The following VWC2L variants were observed in gnomAD, a reference collection of about 807,000 sequenced individuals.
VWC2L encodes von Willebrand factor C domain containing 2 like, also known as von Willebrand factor C domain-containing protein 2-like.
Under a neutral mutation model 21.6 loss-of-function variants are expected in VWC2L, and 10 were observed. The ratio of observed to expected loss-of-function variants is 0.46; its 90% CI spans 0.29 to 0.78. The LOEUF (loss-of-function observed/expected upper bound fraction) is 0.78, where lower values mean the gene tolerates loss of function less well. Ranked by LOEUF, VWC2L falls within the 30% of genes least tolerant of loss-of-function variation. The probability of loss-of-function intolerance (pLI) is 0.10; values close to 1 mark genes in which losing one functional copy is unlikely to be tolerated. For missense variants in VWC2L, 209 were observed against 277.1 expected (o/e 0.75, Z 1.74); for synonymous variants, 96 against 94.3 (o/e 1.02, Z -0.10).
At chr2:214,463,181 A>G (rs1013100220) in intron 3 of VWC2L, among the ~76,000 whole-genome samples, 2 of 151,752 alleles carry the variant, frequency 1.3e-5, no homozygotes, top group Non-Finnish European at 2.9e-5. Context: ...TTAATATTCT[A>G]TCTATTTTAT....
chr2:214,500,545 C>G (rs1250110615), intron 3 of VWC2L, among the ~76,000 whole-genome samples: 1 of 152,220 alleles, frequency 6.6e-6, no homozygotes, highest in Non-Finnish European at 1.5e-5. Context: ...CCCATCTGAG[C>G]CTGTTTTCCA....
At chr2:214,459,749 A>G (rs1470050891) in intron 3 of VWC2L, among the ~76,000 whole-genome samples, 2 of 152,006 alleles carry the variant, frequency 1.3e-5, no homozygotes, top group Non-Finnish European at 2.9e-5. Flanking sequence ...CTTCATTGCT[A>G]GTTTTTTTTC....
chr2:214,429,546 T>C (rs2126175633), intron 2 of VWC2L, among the ~76,000 whole-genome samples: 1 of 152,286 alleles, frequency 6.6e-6, no homozygotes, highest in South Asian at 2.1e-4. Context: ...CTGTGCCTAC[T>C]TTAAAAAAAA....
intron 3 of VWC2L, among the ~76,000 whole-genome samples, chr2:214,539,160 T>C (rs1689588148): frequency 6.6e-6 from 1 of 152,140 alleles, no homozygotes; most frequent in Non-Finnish European, 1.5e-5. Flanking sequence ...TGGAGACTAC[T>C]GCACTTGATT....
At position 214,492,114 on chromosome 2, in the gene VWC2L, T is replaced by C. The variant is rs140241660; in HGVS notation, c.520+55356T>C. On this transcript the variant is annotated intron_variant, in intron 3 of 3. Coordinates refer to ENST00000312504, the MANE Select transcript of VWC2L (RefSeq NM_001080500.4). ...AAAGTAAGCATAATGACAGCTGATC[T>C]AAGAAAATTAAACATAGTAAACAAA... Among the ~76,000 whole-genome samples the C allele has an allele frequency of 7.9e-4, 120 of 152,322 alleles. 1 individual carries two copies. The highest frequency in any genetic ancestry group is 2.5e-3 in the African/African-American group (104 of 41,572).
intron 3 of VWC2L, among the ~76,000 whole-genome samples, chr2:214,455,909 T>G (rs1703048908): frequency 6.6e-6 from 1 of 152,212 alleles, no homozygotes; most frequent in Non-Finnish European, 1.5e-5. Context: ...TTTCATTGTG[T>G]ACAGATACCA....
intron 3 of VWC2L, among the ~76,000 whole-genome samples, chr2:214,559,255 C>T (rs1417814257): frequency 2.6e-5 from 4 of 152,074 alleles, no homozygotes; most frequent in Non-Finnish European, 5.9e-5. Flanking sequence ...CATCACTGGC[C>T]ATCAGAGAAA....
intron 3 of VWC2L, among the ~76,000 whole-genome samples, chr2:214,565,673 T>C (rs966567840): frequency 2.6e-5 from 4 of 152,192 alleles, no homozygotes; most frequent in African/African-American, 9.6e-5. Flanking sequence ...ACCTGGATTC[T>C]ATAAAGTAGT....
chr2:214,486,908 T>C (rs1688679930), intron 3 of VWC2L, among the ~76,000 whole-genome samples: 1 of 152,180 alleles, frequency 6.6e-6, no homozygotes, highest in Non-Finnish European at 1.5e-5. Flanking sequence ...CTCCCAAAAT[T>C]CCTATGTTGA....
intron 3 of VWC2L, among the ~76,000 whole-genome samples, chr2:214,471,508 A>G (rs1301480795): frequency 6.6e-6 from 1 of 152,190 alleles, no homozygotes; most frequent in East Asian, 1.9e-4. Context: ...ATCTCACTTA[A>G]TCTTCACAAC....
chr2:214,414,302 A>G lies in VWC2L; in HGVS notation c.109A>G (p.Ile37Val). The change falls in exon 2 of 4, where the codon ATC (isoleucine) becomes GTC (valine). Residue 37 changes from isoleucine (I) to valine (V), a missense_variant. Physicochemically the swap from Ile to Val is conservative, Grantham distance 29. Coordinates refer to ENST00000312504, the MANE Select transcript of VWC2L (RefSeq NM_001080500.4). Reference protein sequence around the residue: ...EDYPADEGDQISSNDNLIFDD... With the variant: ...EDYPADEGDQVSSNDNLIFDD... ...CTATCCTGCTGATGAAGGTGACCAGATCTCCAGTAATGACAATCTGATCTT... is the reference window on the plus strand; with the variant it reads ...CTATCCTGCTGATGAAGGTGACCAGGTCTCCAGTAATGACAATCTGATCTT... The G allele has an allele frequency of 6.2e-7, 1 of 1,613,856 alleles. No homozygotes were observed.
At chr2:214,497,160 T>G (rs1369377932) in intron 3 of VWC2L, among the ~76,000 whole-genome samples, 1 of 152,060 alleles carries the variant, frequency 6.6e-6, no homozygotes, top group Non-Finnish European at 1.5e-5. Flanking sequence ...AATCCAAGAA[T>G]AGTCTTTGGC....
intron 3 of VWC2L, among the ~76,000 whole-genome samples, chr2:214,476,755 TA>T (rs1257977985): frequency 6.6e-6 from 1 of 152,204 alleles, no homozygotes; most frequent in African/African-American, 2.4e-5. Context: ...ACACACCACT[TA>T]CTCTCTGTTT....
At chr2:214,413,063 G>C (rs73987318) in intron 1 of VWC2L, among the ~76,000 whole-genome samples, 20,064 of 151,972 alleles carry the variant, frequency 0.13, 1,423 homozygotes, top group East Asian at 0.25. Flanking sequence ...ACTAAGTGGA[G>C]TTTACAAGAG....
At chr2:214,548,419 C>T (rs1472828972) in intron 3 of VWC2L, among the ~76,000 whole-genome samples, 1 of 152,172 alleles carries the variant, frequency 6.6e-6, no homozygotes, top group Non-Finnish European at 1.5e-5. Flanking sequence ...ACAGTGCAAG[C>T]CAGGACTTAC....
chr2:214,500,508 G>A (rs1227261189), intron 3 of VWC2L, among the ~76,000 whole-genome samples: 1 of 152,172 alleles, frequency 6.6e-6, no homozygotes, highest in Non-Finnish European at 1.5e-5. Flanking sequence ...CTGTATTCCA[G>A]GTAGGACAAA....
intron 2 of VWC2L, among the ~76,000 whole-genome samples, chr2:214,423,911 T>G (rs1010817088): frequency 2.9e-4 from 44 of 152,186 alleles, no homozygotes; most frequent in Non-Finnish European, 5.4e-4. Flanking sequence ...GACCCATTTT[T>G]TTTTTCACTT....
intron 3 of VWC2L, among the ~76,000 whole-genome samples, chr2:214,450,299 G>A (rs895751687): frequency 3.9e-5 from 6 of 152,082 alleles, no homozygotes; most frequent in Non-Finnish European, 8.8e-5. Flanking sequence ...TCTCAGCTGA[G>A]TGAAGTAATC....
intron 3 of VWC2L, among the ~76,000 whole-genome samples, chr2:214,486,796 T>G (rs1688678804): frequency 6.6e-6 from 1 of 152,216 alleles, no homozygotes; most frequent in African/African-American, 2.4e-5. Context: ...GCAGGACTCA[T>G]TTGATATAAA....
Sources: allele counts gnomAD v4.1 joint callset (sites outside exome capture counted in the v4.1 genomes callset), GRCh38; gene constraint gnomAD v4.1.1; transcripts MANE v1.5; gene names NCBI Gene and HGNC (gene_info 2026-07-23, HGNC 2026-07-21).